The following PKD2L1 variants were observed in gnomAD, a reference collection of about 807,000 sequenced individuals.
PKD2L1 encodes the protein polycystin-2-like protein 1.
A neutral mutation model predicts 93.0 loss-of-function variants in PKD2L1; 77 were observed. The ratio of observed to expected loss-of-function variants is 0.83; its 90% CI spans 0.69 to 1.00. The LOEUF (loss-of-function observed/expected upper bound fraction) is 1.00, where lower values mean the gene tolerates loss of function less well. Among genes scored for constraint, PKD2L1 ranks in the 50% least tolerant of loss-of-function variants. The pLI is 0.00. For synonymous variants in PKD2L1, 390 were observed against 388.0 expected (o/e 1.01, Z -0.06); for missense variants, 977 against 990.9 (o/e 0.99, Z 0.19).
intron 6 of PKD2L1, 60 bp downstream of exon 6, chr10:100,296,920 T>G: frequency 9.0e-7 from 1 of 1,106,582 alleles, no homozygotes; most frequent in Non-Finnish European, 1.4e-6. Flanking sequence ...GGAGCCCCTA[T>G]TAGGGTGGAA....
rs909960581 is a variant in PKD2L1 at position 100,293,467 on chromosome 10, T to C, written c.1660-88A>G. The C allele has an allele frequency of 3.5e-6, 3 of 855,920 alleles. No individual in the cohort carries two copies. The African/African-American group carries it at 5.0e-5, about 14-fold the overall frequency. The allele number at this position is 855,920 out of a possible 1,614,324, so 53.0% of individuals were successfully genotyped here. ...TGACCCCATTAATGTCCAAGACACG[T>C]GTTCCAAAGGGGTCAGTGCTCTCAA... On this transcript the variant is annotated intron_variant, in intron 9 of 15. Transcript: ENST00000318222.
At chr10:100,296,368 G>T in intron 6 of PKD2L1, 76 bp from the exon 7 acceptor site, 1 of 1,239,474 alleles carries the variant, frequency 8.1e-7, no homozygotes, top group Non-Finnish European at 1.1e-6. Flanking sequence ...AGGCCCCAAG[G>T]GAGAGTCAGG....
chr10:100,324,740 G>A (rs138847516), intron 2 of PKD2L1, among the ~76,000 whole-genome samples: 1 of 152,328 alleles, frequency 6.6e-6, no homozygotes, highest in Non-Finnish European at 1.5e-5. Flanking sequence ...AAGCCAGGAA[G>A]TAGAGGAGCT....
chr10:100,324,268 T>G (rs1311878668), intron 2 of PKD2L1, among the ~76,000 whole-genome samples: 2 of 152,262 alleles, frequency 1.3e-5, no homozygotes, highest in African/African-American at 4.8e-5. Flanking sequence ...ACCTTTGTTA[T>G]ACAATGGACC....
At chr10:100,307,637 G>A (rs1160976342) in intron 2 of PKD2L1, among the ~76,000 whole-genome samples, 2 of 152,184 alleles carry the variant, frequency 1.3e-5, no homozygotes, top group Admixed American at 1.3e-4. Flanking sequence ...TCCAGCCTGG[G>A]CAACAGAGTG....
Position 100,297,120 on chromosome 10 carries a change from C to T in PKD2L1, c.1045G>A (p.Asp349Asn). The change falls in exon 6 of 16, where the codon GAC becomes AAC. Residue 349 changes from aspartate (D) to asparagine (N), a missense_variant. Physicochemically the swap from Asp to Asn is conservative, Grantham distance 23. Transcript: ENST00000318222. Reference protein sequence around the residue: ...VKLIRYVSNWDFFIVGCEVIF... With the variant: ...VKLIRYVSNWNFFIVGCEVIF... ...ACCTCACAGCCAACGATAAAGAAGT[C>T]CCAGTTGCTGACATAGCGGATCAGC... 1 of 1,614,172 alleles carries T rather than the reference C, an allele frequency of 6.2e-7. No individual in the cohort carries two copies. The highest frequency in any genetic ancestry group is 8.5e-7 in the Non-Finnish European group (1 of 1,180,008).
chr10:100,319,795 C>A (rs909244049), intron 2 of PKD2L1, among the ~76,000 whole-genome samples: 5 of 152,250 alleles, frequency 3.3e-5, no homozygotes, highest in African/African-American at 1.2e-4. Context: ...TGACCAGACC[C>A]AGCCATTTCC....
Position 100,327,345 on chromosome 10 carries a change from A to G in PKD2L1, c.349+1866T>C, listed in dbSNP as rs145876143. 2.2e-3 allele frequency among the ~76,000 whole-genome samples: 329 copies of G among 152,354 alleles called. 2 individuals carry two copies. The highest frequency in any genetic ancestry group is 7.5e-3 in the African/African-American group (313 of 41,576). On this transcript the variant is annotated intron_variant, in intron 2 of 15. Transcript: ENST00000318222. ...ACCCCTGTCTGCTCAAGGACTCTGT[A>G]ATTACTGAACGAAGCCTGTGACTCA...
chr10:100,292,969 T>C lies in PKD2L1; in HGVS notation c.1859A>G (p.Asp620Gly). 1 of 1,614,014 alleles carries C rather than the reference T, an allele frequency of 6.2e-7. No individual in the cohort carries two copies. The highest frequency in any genetic ancestry group is 1.1e-5 in the South Asian group (1 of 91,072). ...TCACTCCCTTAAGGTGTTGGTGAAA[T>C]CCTCAAACTGGATCTCCTGCTCCCC... ...QGGEQEIQFE[D>G]FTNTLRELGH... The change falls in exon 11 of 16, where the codon GAT becomes GGT. Residue 620 changes from aspartate (D) to glycine (G), a missense_variant. Physicochemically the swap from Asp to Gly is moderately conservative, Grantham distance 94. Coordinates refer to ENST00000318222, the MANE Select transcript of PKD2L1 (RefSeq NM_016112.3).
At chr10:100,318,809 G>A (rs1445655478) in intron 2 of PKD2L1, among the ~76,000 whole-genome samples, 4 of 149,608 alleles carry the variant, frequency 2.7e-5, no homozygotes, top group African/African-American at 4.9e-5. Context: ...GTGAGCCACC[G>A]CACCCAGCCT....
chr10:100,320,239 G>C (rs150265764), intron 2 of PKD2L1, among the ~76,000 whole-genome samples: 189 of 152,316 alleles, frequency 1.2e-3, no homozygotes, highest in African/African-American at 3.6e-3. Flanking sequence ...CTCTGTGTAA[G>C]GTTTAAAGGA....
rs1491223984 is a variant in PKD2L1, at chr10:100,301,463, C to CA, written c.350-1746_350-1745insT. Among the ~76,000 whole-genome samples, 10 of 150,660 alleles carry CA rather than the reference C, an allele frequency of 6.6e-5. 1 individual carries two copies. The highest frequency in any genetic ancestry group is 2.6e-4 in the Admixed American group (4 of 15,156). ...AGCAGCCATTTTAGAGGCCCCCCCC[C>CA]CGGGAATGCATTCTTTTCCCAGGGC... On this transcript the variant is annotated intron_variant, in intron 2 of 15. Transcript: ENST00000318222.
chr10:100,324,723 G>A (rs563481506), intron 2 of PKD2L1, among the ~76,000 whole-genome samples: 1 of 152,314 alleles, frequency 6.6e-6, no homozygotes, highest in Non-Finnish European at 1.5e-5. Flanking sequence ...AATTGTTCAA[G>A]GTCACAAAGC....
chr10:100,296,888 A>C (rs1357460656), intron 6 of PKD2L1, 92 bp downstream of exon 6: 3 of 762,854 alleles, frequency 3.9e-6, no homozygotes, highest in Non-Finnish European at 4.4e-6. Flanking sequence ...AGGAGGGCTT[A>C]GGGCTCCAAA....
chr10:100,326,608 A>G (rs1247376847), intron 2 of PKD2L1, among the ~76,000 whole-genome samples: 1 of 152,268 alleles, frequency 6.6e-6, no homozygotes, highest in African/African-American at 2.4e-5. Context: ...GCCAGGCATC[A>G]CATAGATGAA....
chr10:100,329,347 C>A (rs1027497138), intron 1 of PKD2L1, 23 bp from the exon 2 acceptor site: 3 of 1,614,084 alleles, frequency 1.9e-6, no homozygotes, highest in Non-Finnish European at 2.5e-6. Context: ...GGAGAGATGC[C>A]TGGGATGCTC....
chr10:100,324,897 C>T (rs1849343638), intron 2 of PKD2L1, among the ~76,000 whole-genome samples: 1 of 152,182 alleles, frequency 6.6e-6, no homozygotes, highest in South Asian at 2.1e-4. Flanking sequence ...AGCTGCATGT[C>T]CAACTGCACG....
chr10:100,294,828 T>G, intron 8 of PKD2L1, 114 bp downstream of exon 8: 1 of 1,298,776 alleles, frequency 7.7e-7, no homozygotes. Context: ...CTCACACAGA[T>G]GCTTTGAACA....
chr10:100,296,053 A>AG lies in PKD2L1; in HGVS notation c.1356+68_1356+69insC, dbSNP rs1848528376. ...CCATCTCAAAAAAAAAAAAAAGAAA[A>AG]AAAAGAAAAGAAAAGAAGGGAGAAT... On this transcript the variant is annotated intron_variant, in intron 7 of 15. Coordinates refer to ENST00000318222, the MANE Select transcript of PKD2L1 (RefSeq NM_016112.3). 8 of 1,440,238 alleles carry AG rather than the reference A, an allele frequency of 5.6e-6. No homozygotes were observed. The East Asian group carries it at 1.9e-4, about 34-fold the overall frequency. 89.2% of individuals were successfully genotyped at this position (1,440,238 alleles called of 1,614,324 possible). A position where few individuals can be genotyped will look rare whatever the true frequency, so the allele number is the denominator to read the frequency against.
Sources: allele counts gnomAD v4.1 joint callset (sites outside exome capture counted in the v4.1 genomes callset), GRCh38; gene constraint gnomAD v4.1.1; transcripts MANE v1.5; gene names NCBI Gene and HGNC (gene_info 2026-07-23, HGNC 2026-07-21).